Variants in SLC25A37 observed in about 807,000 individuals in gnomAD.
SLC25A37 encodes the protein mitoferrin-1.
Under a neutral mutation model 31.0 loss-of-function variants are expected in SLC25A37, and 17 were observed. The ratio of observed to expected loss-of-function variants is 0.55; its 90% CI spans 0.38 to 0.82. SLC25A37 has a LOEUF of 0.82. Among genes scored for constraint, SLC25A37 ranks in the 40% least tolerant of loss-of-function variants. SLC25A37 has a pLI of 0.00. For synonymous variants in SLC25A37, 222 were observed against 193.0 expected, an observed-to-expected ratio of 1.15 and a Z score of -1.24; for missense variants, 404 against 465.8, an observed-to-expected ratio of 0.87 and a Z score of 1.22.
At chr8:23,551,141 G>T (rs1443838667) in intron 1 of SLC25A37, among the ~76,000 whole-genome samples, 1 of 152,254 alleles carries the variant, frequency 6.6e-6, no homozygotes, top group Non-Finnish European at 1.5e-5. Context: ...CTCTGAGCAG[G>T]TGAGTGAACT....
intron 1 of SLC25A37, among the ~76,000 whole-genome samples, chr8:23,562,597 G>A (rs914309008): frequency 5.3e-5 from 8 of 152,170 alleles, no homozygotes; most frequent in African/African-American, 1.9e-4. Flanking sequence ...GCACAACCCT[G>A]GAAGGTCACA....
chr8:23,530,764 T>C (rs1801646691), intron 1 of SLC25A37, among the ~76,000 whole-genome samples: 1 of 152,220 alleles, frequency 6.6e-6, no homozygotes, highest in Non-Finnish European at 1.5e-5. Context: ...GTCCTACTGG[T>C]GTCTTGAGAT....
chr8:23,569,402 T>TACACACACACACACACAC lies in SLC25A37; in HGVS notation c.496+1033_496+1050dup, dbSNP rs10608830. ...CACTATTCTAAAACCTATGTGTGCA[T>TACACACACACACACACAC]ACACACACACACACACACACACACA... On this transcript the variant is annotated intron_variant, in intron 3 of 3. Transcript: ENST00000519973. Among the ~76,000 whole-genome samples the TACACACACACACACACAC allele has an allele frequency of 7.1e-3, 1,071 of 150,230 alleles. 15 individuals carry two copies. The highest frequency in any genetic ancestry group is 0.024 in the African/African-American group (957 of 40,504).
chr8:23,566,034 C>T (rs1018339999), intron 1 of SLC25A37, 74 bp from the exon 2 acceptor site: 1 of 1,487,892 alleles, frequency 6.7e-7, no homozygotes, highest in East Asian at 2.6e-5. Context: ...TCTCCTTCTC[C>T]AGGTCTTATT....
At chr8:23,547,120 A>G (rs1802090114) in intron 1 of SLC25A37, among the ~76,000 whole-genome samples, 1 of 152,246 alleles carries the variant, frequency 6.6e-6, no homozygotes, top group African/African-American at 2.4e-5. Context: ...ATTCTCTTTC[A>G]GACCCTACAA....
chr8:23,563,298 C>T (rs2117447492), intron 1 of SLC25A37, among the ~76,000 whole-genome samples: 1 of 152,292 alleles, frequency 6.6e-6, no homozygotes, highest in Middle Eastern at 3.4e-3. Flanking sequence ...GGGATTCTCC[C>T]ACCTCAGCCT....
chr8:23,530,375 A>C (rs1479499938), intron 1 of SLC25A37, among the ~76,000 whole-genome samples: 1 of 152,218 alleles, frequency 6.6e-6, no homozygotes, highest in Admixed American at 6.5e-5. Context: ...CTTGTTGCTG[A>C]TGCTGGTCCT....
intron 3 of SLC25A37, 68 bp from the exon 4 acceptor site, chr8:23,571,267 G>A (rs1413294649): frequency 4.6e-5 from 67 of 1,459,090 alleles, no homozygotes; most frequent in Non-Finnish European, 5.5e-5. Context: ...TCCGACCTGG[G>A]GTGGGGCCAC....
At chr8:23,546,556 GTATATATATATATA>G (rs56169952) in intron 1 of SLC25A37, among the ~76,000 whole-genome samples, 75 of 42,584 alleles carry the variant, frequency 1.8e-3, no homozygotes, top group African/African-American at 0.014. Context: ...TATATATAGT[GTATATATATATATA>G]TATATATATA....
At chr8:23,533,483 A>G (rs1234762299) in intron 1 of SLC25A37, among the ~76,000 whole-genome samples, 11 of 152,202 alleles carry the variant, frequency 7.2e-5, no homozygotes, top group Admixed American at 3.9e-4. Flanking sequence ...TTTCAGCTGC[A>G]TGTGGCCATC....
Position 23,571,779 on chromosome 8 carries a change from C to T in SLC25A37, c.941C>T (p.Ala314Val), listed in dbSNP as rs371021622. ...GTCATCTACCAGATGCCCTCCACCG[C>T]CATTTCTTGGTCTGTCTATGAGTTC... ...ARVIYQMPST[A>V]ISWSVYEFFK... is the part of the protein sequence containing the mutation. Residue 314 changes from alanine (A) to valine (V), a missense_variant, in exon 4 of 4, where the codon GCC becomes GTC. Ala to Val is a moderately conservative substitution (Grantham distance 64). Around this residue, in one of 3 missense-constraint regions of SLC25A37, gnomAD observed 243 missense variants for 284.4 expected, o/e 0.85. Coordinates refer to ENST00000519973, the MANE Select transcript of SLC25A37 (RefSeq NM_016612.4). The T allele has an allele frequency of 1.2e-6, 2 of 1,614,036 alleles. No individual in the cohort carries two copies. The highest frequency in any genetic ancestry group is 1.7e-6 in the Non-Finnish European group (2 of 1,179,898).
chr8:23,566,421 C>T (rs1266679081), intron 2 of SLC25A37, 85 bp downstream of exon 2: 29 of 1,512,302 alleles, frequency 1.9e-5, no homozygotes, highest in Non-Finnish European at 2.4e-5. Context: ...GTGACCCAGC[C>T]GCCTCGACTT....
chr8:23,543,523 T>G (rs1424597790), intron 1 of SLC25A37, among the ~76,000 whole-genome samples: 1 of 152,182 alleles, frequency 6.6e-6, no homozygotes, highest in East Asian at 1.9e-4. Flanking sequence ...CAGAGCAACT[T>G]CCAGTTCTGC....
chr8:23,547,902 T>C (rs1802110832), intron 1 of SLC25A37, among the ~76,000 whole-genome samples: 1 of 152,212 alleles, frequency 6.6e-6, no homozygotes, highest in African/African-American at 2.4e-5. Context: ...AGGCTCTGTT[T>C]ACAGCTCTCT....
At chr8:23,542,825 T>C (rs1443122218) in intron 1 of SLC25A37, among the ~76,000 whole-genome samples, 1 of 152,008 alleles carries the variant, frequency 6.6e-6, no homozygotes, top group East Asian at 1.9e-4. Context: ...ATATTGATGA[T>C]CCTGACCCTC....
intron 1 of SLC25A37, among the ~76,000 whole-genome samples, chr8:23,552,446 G>C (rs966633523): frequency 2.6e-5 from 4 of 152,212 alleles, no homozygotes; most frequent in African/African-American, 9.7e-5. Context: ...GGTTGTCTTT[G>C]TGCTCTCAGG....
At position 23,573,800 on chromosome 8, in the gene SLC25A37, A is replaced by G. The variant is rs1160727568; in HGVS notation, c.*1945A>G. ...TGGCTGCTGCCCTGTCCCATCTGGC[A>G]GTTAACGCCTTCTCCCTGCTCTGCC... is the stretch of plus-strand genomic sequence containing the variant. On this transcript the variant is annotated 3_prime_UTR_variant, in exon 4 of 4. Coordinates refer to ENST00000519973, the MANE Select transcript of SLC25A37 (RefSeq NM_016612.4). 1 of 456,562 alleles carries G rather than the reference A, an allele frequency of 2.2e-6. No homozygotes were observed. The highest frequency in any genetic ancestry group is 4.4e-6 in the Non-Finnish European group (1 of 226,964). 28.3% of individuals were successfully genotyped at this position (456,562 alleles called of 1,614,324 possible).
intron 3 of SLC25A37, chr8:23,568,660 G>T: frequency 2.3e-6 from 1 of 435,798 alleles, no homozygotes; most frequent in Non-Finnish European, 4.3e-6. Flanking sequence ...TAATTCTGAG[G>T]CTGGGTGCAG....
At chr8:23,533,832 C>A (rs181456560) in intron 1 of SLC25A37, among the ~76,000 whole-genome samples, 1 of 152,244 alleles carries the variant, frequency 6.6e-6, no homozygotes, top group Admixed American at 6.5e-5. Flanking sequence ...GTTGGCTGGA[C>A]CATGCCAGGA....
Sources: gnomAD v4.1 joint callset for allele counts (sites outside exome capture counted in the v4.1 genomes callset) on GRCh38, gnomAD v4.1.1 for gene constraint, gnomAD v4.1.1 regional missense constraint, MANE v1.5 for transcripts, NCBI Gene and HGNC (gene_info 2026-07-23, HGNC 2026-07-21) for gene names.